FMN1: variants seen among roughly 807,000 people sequenced by gnomAD.
The protein encoded by FMN1 is formin 1.
In FMN1, 110 loss-of-function variants were observed where a neutral mutation model predicts 132.4. The observed-to-expected ratio is 0.83, with a 90% CI of 0.71 to 0.97. The LOEUF (loss-of-function observed/expected upper bound fraction) is 0.97, where lower values mean the gene tolerates loss of function less well. Among genes scored for constraint, FMN1 ranks in the 50% least tolerant of loss-of-function variants. The pLI, the probability that FMN1 is intolerant of heterozygous loss-of-function variation, is 0.00. For synonymous variants in FMN1, 722 were observed against 651.7 expected, an observed-to-expected ratio of 1.11 and a Z score of -1.64; for missense variants, 1,792 against 1,705.3, an observed-to-expected ratio of 1.05 and a Z score of -0.90.
intron 17 of FMN1, among the ~76,000 whole-genome samples, chr15:32,849,801 C>T (rs974536389): frequency 8.5e-5 from 13 of 152,202 alleles, no homozygotes; most frequent in Non-Finnish European, 7.4e-5. Context: ...GGATTACAGG[C>T]GCACACCACC....
chr15:33,012,079 C>G, intron 6 of FMN1: 1 of 363,880 alleles, frequency 2.7e-6, no homozygotes, highest in South Asian at 3.2e-5. Flanking sequence ...TGTCAGTGGA[C>G]AGCACCAAAG....
intron 19 of FMN1, among the ~76,000 whole-genome samples, chr15:32,786,228 T>C (rs1458416521): frequency 6.6e-6 from 1 of 152,136 alleles, no homozygotes; most frequent in Non-Finnish European, 1.5e-5. Context: ...TGGACGAACA[T>C]GATAAACAAA....
At chr15:33,161,046 C>T (rs558989025) in intron 3 of FMN1, among the ~76,000 whole-genome samples, 4 of 152,332 alleles carry the variant, frequency 2.6e-5, no homozygotes, top group Non-Finnish European at 5.9e-5. Flanking sequence ...TGTCTGCTGA[C>T]GGCAGACATC....
Position 33,190,081 on chromosome 15 carries a change from T to A in FMN1, c.-197+3828A>T, listed in dbSNP as rs114218003. On this transcript the variant is annotated intron_variant, in intron 2 of 20. Coordinates refer to ENST00000616417, the MANE Select transcript of FMN1 (RefSeq NM_001277313.2). ...GACTGAACACATTTAAACATAACAA[T>A]GTTTGCTCAGTTGTAATTCTCACAG... Among the ~76,000 whole-genome samples, 275 of 152,304 alleles carry A rather than the reference T, an allele frequency of 1.8e-3. 1 individual carries two copies. Among genetic ancestry groups the A allele is most frequent in the African/African-American group, 6.5e-3 (271 of 41,558 alleles).
intron 19 of FMN1, among the ~76,000 whole-genome samples, chr15:32,795,119 G>A (rs2057237473): frequency 6.6e-6 from 1 of 152,208 alleles, no homozygotes; most frequent in Admixed American, 6.5e-5. Flanking sequence ...AGGATTGCTT[G>A]AGCCCAGGAG....
intron 9 of FMN1, among the ~76,000 whole-genome samples, chr15:32,936,500 GTGTC>G (rs976101057): frequency 6.6e-6 from 1 of 152,124 alleles, no homozygotes; most frequent in African/African-American, 2.4e-5. Context: ...GCTCTCTCTA[GTGTC>G]TGTCTATGGT....
chr15:33,112,430 A>T (rs1566926044), intron 4 of FMN1, among the ~76,000 whole-genome samples: 3 of 152,172 alleles, frequency 2.0e-5, no homozygotes, highest in Admixed American at 6.5e-5. Context: ...CTTTTAATTA[A>T]GAAAAGAGGA....
At chr15:32,817,171 C>G (rs989498773) in intron 17 of FMN1, among the ~76,000 whole-genome samples, 1 of 152,180 alleles carries the variant, frequency 6.6e-6, no homozygotes, top group Non-Finnish European at 1.5e-5. Context: ...AGCTCTCCCT[C>G]TAGAAAAATA....
chr15:33,113,155 G>A (rs924161452), intron 4 of FMN1, among the ~76,000 whole-genome samples: 1 of 152,190 alleles, frequency 6.6e-6, no homozygotes, highest in African/African-American at 2.4e-5. Flanking sequence ...TAATTTGGAT[G>A]CTTTGTGGCC....
intron 4 of FMN1, among the ~76,000 whole-genome samples, chr15:33,106,836 T>C (rs1180197144): frequency 6.6e-6 from 1 of 152,054 alleles, no homozygotes; most frequent in Non-Finnish European, 1.5e-5. Context: ...TGAGAAGCAC[T>C]GCTCTAAATG....
Position 32,766,749 on chromosome 15 carries a change from G to C in FMN1, c.*7561C>G, listed in dbSNP as rs2056062124. The C allele has an allele frequency of 6.6e-6, 1 of 152,122 alleles. No individual in the cohort carries two copies. Among genetic ancestry groups the C allele is most frequent in the Non-Finnish European group, 1.5e-5 (1 of 68,062 alleles). 9.4% of individuals were successfully genotyped at this position (152,122 alleles called of 1,614,324 possible). A position where few individuals can be genotyped will look rare whatever the true frequency, so the allele number is the denominator to read the frequency against. On this transcript the variant is annotated 3_prime_UTR_variant, in exon 21 of 21. Coordinates refer to ENST00000616417, the MANE Select transcript of FMN1 (RefSeq NM_001277313.2). Reference sequence around the variant, plus strand: ...GCACAGGGTGTGAGAGGATGGAGGAGGGGCCAAGGGAGCTACTCAGTTGTC... The same window carrying C: ...GCACAGGGTGTGAGAGGATGGAGGACGGGCCAAGGGAGCTACTCAGTTGTC...
chr15:32,812,722 C>A (rs931674824), intron 17 of FMN1, among the ~76,000 whole-genome samples: 1 of 152,146 alleles, frequency 6.6e-6, no homozygotes, highest in Non-Finnish European at 1.5e-5. Context: ...AGATTCTCAG[C>A]CTGTATCTCT....
intron 16 of FMN1, among the ~76,000 whole-genome samples, chr15:32,871,107 T>C (rs1308032445): frequency 6.6e-6 from 1 of 152,184 alleles, no homozygotes; most frequent in Non-Finnish European, 1.5e-5. Flanking sequence ...GTACCGGGCC[T>C]CTGAAGGGGA....
intron 4 of FMN1, among the ~76,000 whole-genome samples, chr15:33,135,751 C>A (rs1340000476): frequency 7.2e-5 from 11 of 152,212 alleles, no homozygotes; most frequent in Non-Finnish European, 1.5e-4. Flanking sequence ...CTACTTAACA[C>A]TGGATAGAAT....
Position 32,952,809 on chromosome 15 carries a change from G to T in FMN1, c.3138+11298C>A, listed in dbSNP as rs143015854. ...ATGAAAATGAAAACACGAAAACTCA[G>T]GTTATTTAGTAATAAGGGCCTGGAG... is the stretch of plus-strand genomic sequence containing the variant. On this transcript the variant is annotated intron_variant, in intron 9 of 20. Transcript: ENST00000616417. 5.1e-3 allele frequency among the ~76,000 whole-genome samples: 779 copies of T among 152,296 alleles called. 3 individuals are homozygous for T. The highest frequency in any genetic ancestry group is 0.011 in the Admixed American group (161 of 15,300).
rs181508687 is a variant in FMN1, at chr15:32,971,844, T to C, written c.2224-2367A>G. 2.0e-5 allele frequency among the ~76,000 whole-genome samples: 3 copies of C among 152,284 alleles called. No homozygotes were observed. The East Asian group carries it at 5.8e-4, about 29-fold the overall frequency. Reference sequence around the variant, plus strand: ...ATTATAAACTCCCCAAGATGAAATCTTGTATCTAGAGCAAAAGCCCTGGCC... The same window carrying C: ...ATTATAAACTCCCCAAGATGAAATCCTGTATCTAGAGCAAAAGCCCTGGCC... On this transcript the variant is annotated intron_variant, in intron 7 of 20. Coordinates refer to ENST00000616417, the MANE Select transcript of FMN1 (RefSeq NM_001277313.2).
intron 19 of FMN1, among the ~76,000 whole-genome samples, chr15:32,793,641 G>A (rs2057170689): frequency 6.6e-6 from 1 of 152,178 alleles, no homozygotes; most frequent in Non-Finnish European, 1.5e-5. Context: ...TACTGTTTGT[G>A]TATTTGCACA....
intron 19 of FMN1, among the ~76,000 whole-genome samples, chr15:32,778,956 C>T (rs985446520): frequency 2.0e-5 from 3 of 151,984 alleles, no homozygotes; most frequent in Non-Finnish European, 4.4e-5. Flanking sequence ...GTGGTATATC[C>T]ATACAATGGA....
chr15:33,016,860 T>C (rs1022545378), intron 6 of FMN1, among the ~76,000 whole-genome samples: 3 of 152,200 alleles, frequency 2.0e-5, no homozygotes, highest in African/African-American at 7.2e-5. Flanking sequence ...GCAGAAGCCA[T>C]AGCCCAGTAC....
Sources: gnomAD v4.1 joint callset for allele counts (sites outside exome capture counted in the v4.1 genomes callset) on GRCh38, gnomAD v4.1.1 for gene constraint, MANE v1.5 for transcripts, NCBI Gene and HGNC (gene_info 2026-07-23, HGNC 2026-07-21) for gene names.